Variants in DGKB observed in about 807,000 individuals in gnomAD.
DGKB encodes 90 kDa diacylglycerol kinase.
Under a neutral mutation model 114.3 loss-of-function variants are expected in DGKB, and 67 were observed. The ratio of observed to expected loss-of-function variants is 0.59; its 90% confidence interval spans 0.48 to 0.72. The LOEUF is 0.72. DGKB is among the 30% of genes least tolerant of loss of function. DGKB has a pLI of 0.00. For missense variants in DGKB, 907 were observed against 975.2 expected, an observed-to-expected ratio of 0.93 and a Z score of 0.93; for synonymous variants, 398 against 323.1, an observed-to-expected ratio of 1.23 and a Z score of -2.49.
chr7:14,203,470 A>G (rs1317995618), intron 23 of DGKB, among the ~76,000 whole-genome samples: 1 of 152,024 alleles, frequency 6.6e-6, no homozygotes, highest in East Asian at 1.9e-4. Context: ...ATGTAAAACC[A>G]GAATATTTAG....
intron 1 of DGKB, among the ~76,000 whole-genome samples, chr7:14,911,708 T>G (rs1784014461): frequency 6.6e-6 from 1 of 152,180 alleles, no homozygotes; most frequent in African/African-American, 2.4e-5. Context: ...CACAAGTACC[T>G]TAGCTATAGG....
At chr7:14,685,418 G>A in intron 9 of DGKB, 56 bp from the exon 10 acceptor site, 11 of 1,285,138 alleles carry the variant, frequency 8.6e-6, no homozygotes, top group Non-Finnish European at 1.0e-5. Flanking sequence ...AGTGAAAGAT[G>A]TAAGTGCCAA....
intron 21 of DGKB, among the ~76,000 whole-genome samples, chr7:14,398,155 G>T (rs2128721079): frequency 6.6e-6 from 1 of 152,186 alleles, no homozygotes. Context: ...CCTCTTGAAT[G>T]ATTTCGATCA....
rs1016029062 is a variant in DGKB, at chr7:14,147,961, T to C, written c.*1170A>G. 6.6e-6 allele frequency: 1 copy of C among 152,096 alleles called. No homozygotes were observed. The highest frequency in any genetic ancestry group is 1.5e-5 in the Non-Finnish European group (1 of 68,000). 9.4% of individuals were successfully genotyped at this position (152,096 alleles called of 1,614,324 possible). A position where few individuals can be genotyped will look rare whatever the true frequency, so the allele number is the denominator to read the frequency against. ...GAGTAGGTGAGGAGGAGGGAGCTAA[T>C]TGCATGCATGATTCGCTTCCAAGAG... On this transcript the variant is annotated 3_prime_UTR_variant, in exon 26 of 26. Coordinates refer to ENST00000402815, the MANE Select transcript of DGKB (RefSeq NM_001350709.2).
chr7:14,353,513 C>A (rs1813873211), intron 21 of DGKB, among the ~76,000 whole-genome samples: 1 of 152,078 alleles, frequency 6.6e-6, no homozygotes, highest in Non-Finnish European at 1.5e-5. Flanking sequence ...CAAGGGAAAC[C>A]CAGAGATGAC....
At chr7:14,929,156 C>T (rs2128250127) in intron 1 of DGKB, among the ~76,000 whole-genome samples, 1 of 151,872 alleles carries the variant, frequency 6.6e-6, no homozygotes, top group South Asian at 2.1e-4. Context: ...AGGTTGATTC[C>T]ATAGCTTTGC....
intron 13 of DGKB, among the ~76,000 whole-genome samples, chr7:14,642,175 T>C (rs10251709): frequency 0.04 from 6,008 of 151,918 alleles, 379 homozygotes; most frequent in African/African-American, 0.14. Flanking sequence ...GCTAAAACAT[T>C]ATTTTTTTCT....
Position 14,146,804 on chromosome 7 carries a change from A to T in DGKB, c.*2327T>A, listed in dbSNP as rs1172145187. 1 of 152,156 alleles carries T rather than the reference A, an allele frequency of 6.6e-6. No homozygotes were observed. The highest frequency in any genetic ancestry group is 6.5e-5 in the Admixed American group (1 of 15,268). The allele number at this position is 152,156 out of a possible 1,614,324, so 9.4% of individuals were successfully genotyped here. On this transcript the variant is annotated 3_prime_UTR_variant, in exon 26 of 26. Transcript: ENST00000402815. ...TGTAACCACTATTAGCACTAATTGT[A>T]GTTATACAGCTACACTGAAGTGAAG...
intron 23 of DGKB, among the ~76,000 whole-genome samples, chr7:14,178,415 A>G (rs1044704022): frequency 8.8e-4 from 67 of 76,012 alleles, no homozygotes; most frequent in African/African-American, 8.4e-3. Context: ...AATACCAAAA[A>G]AAAAAAAAAA....
At chr7:14,873,119 T>C (rs910563339) in intron 1 of DGKB, among the ~76,000 whole-genome samples, 5 of 152,108 alleles carry the variant, frequency 3.3e-5, no homozygotes, top group Non-Finnish European at 5.9e-5. Context: ...TCAAAAGGCA[T>C]CCTGGCTGAG....
At chr7:14,531,287 T>C (rs1791544404) in intron 20 of DGKB, among the ~76,000 whole-genome samples, 1 of 151,466 alleles carries the variant, frequency 6.6e-6, no homozygotes, top group Non-Finnish European at 1.5e-5. Context: ...ACAAAAATGA[T>C]CTTGTGTGTA....
intron 23 of DGKB, among the ~76,000 whole-genome samples, chr7:14,267,159 C>T (rs1045176356): frequency 4.6e-5 from 7 of 152,056 alleles, no homozygotes; most frequent in Non-Finnish European, 8.8e-5. Context: ...ACTGCTTTGA[C>T]CAAAAGAAAA....
At chr7:14,614,679 T>C (rs1409367419) in intron 15 of DGKB, among the ~76,000 whole-genome samples, 2 of 152,082 alleles carry the variant, frequency 1.3e-5, no homozygotes, top group African/African-American at 2.4e-5. Flanking sequence ...GAATAGGCAA[T>C]GGGGAAATGT....
intron 23 of DGKB, among the ~76,000 whole-genome samples, chr7:14,305,879 T>A (rs1188655929): frequency 6.6e-6 from 1 of 152,176 alleles, no homozygotes; most frequent in Non-Finnish European, 1.5e-5. Context: ...AATTTGTTTT[T>A]TCAGAGGTCT....
intron 25 of DGKB, among the ~76,000 whole-genome samples, chr7:14,160,647 C>G (rs1381200395): frequency 6.6e-6 from 1 of 152,144 alleles, no homozygotes. Context: ...GAAAAACATT[C>G]CATGCTCATG....
chr7:14,308,320 T>C (rs538401542), intron 23 of DGKB, among the ~76,000 whole-genome samples: 12 of 152,112 alleles, frequency 7.9e-5, no homozygotes, highest in Non-Finnish European at 1.5e-4. Context: ...GCAATGAAGA[T>C]ATTTGTATAT....
chr7:14,881,200 G>C (rs746554543), intron 1 of DGKB, among the ~76,000 whole-genome samples: 1 of 151,996 alleles, frequency 6.6e-6, no homozygotes, highest in Non-Finnish European at 1.5e-5. Flanking sequence ...TGTTGTTGTT[G>C]GTATTGTGAT....
intron 23 of DGKB, among the ~76,000 whole-genome samples, chr7:14,323,466 G>A (rs1197323040): frequency 3.9e-5 from 6 of 152,130 alleles, no homozygotes; most frequent in Admixed American, 6.5e-5. Context: ...ACATAGAGAG[G>A]GAGTAGGGAA....
chr7:14,969,999 ACATGCAGTC>A (rs1787365035), intron 1 of DGKB, among the ~76,000 whole-genome samples: 2 of 152,196 alleles, frequency 1.3e-5, no homozygotes, highest in Admixed American at 6.5e-5. Flanking sequence ...ACCTCCTTGT[ACATGCAGTC>A]CATCCTTGAC....
Sources: gnomAD v4.1 joint callset for allele counts (sites outside exome capture counted in the v4.1 genomes callset) on GRCh38, gnomAD v4.1.1 for gene constraint, MANE v1.5 for transcripts, NCBI Gene and HGNC (gene_info 2026-07-23, HGNC 2026-07-21) for gene names.